The following CLEC9A variants were observed in gnomAD, a reference collection of about 807,000 sequenced individuals.
The protein encoded by CLEC9A is C-type lectin domain containing 9A, also known as C-type lectin domain family 9 member A.
In CLEC9A, 24 loss-of-function variants were observed where a neutral mutation model predicts 30.0. That is an observed-to-expected ratio of 0.80 (90% confidence interval 0.58 to 1.13). The LOEUF (loss-of-function observed/expected upper bound fraction) is 1.13, where lower values mean the gene tolerates loss of function less well. Among genes scored for constraint, CLEC9A ranks in the 50% most tolerant of loss-of-function variants. The pLI is 0.00. For missense variants in CLEC9A, 251 were observed against 280.9 expected (o/e 0.89, Z 0.76); for synonymous variants, 111 against 96.8 (o/e 1.15, Z -0.86).
Position 10,063,167 on chromosome 12 carries a change from A to G in CLEC9A, c.432A>G (p.Glu144=). Residue 144 remains glutamate, a synonymous_variant, in exon 7 of 9, where the codon GAA becomes GAG. Transcript: ENST00000355819. ...WHTSQENCLK[E]GSTLLQIESK... is the part of the protein sequence containing the mutation. ...CCAGTCAAGAGAATTGTTTAAAGGA[A>G]GGTTCCACGCTGCTACAAATAGAGA... 1 of 1,611,798 alleles carries G rather than the reference A, an allele frequency of 6.2e-7. No homozygotes were observed. The highest frequency in any genetic ancestry group is 8.5e-7 in the Non-Finnish European group (1 of 1,179,204).
At chr12:10,052,818 C>A in intron 4 of CLEC9A, 40 bp downstream of exon 4, 2 of 1,550,254 alleles carry the variant, frequency 1.3e-6, no homozygotes, top group Non-Finnish European at 8.8e-7. Flanking sequence ...CTTTAGAGTT[C>A]ATGTTTTTTT....
At chr12:10,041,321 TA>T (rs1865795811) in intron 1 of CLEC9A, 144 bp from the exon 2 acceptor site, 2 of 233,026 alleles carry the variant, frequency 8.6e-6, no homozygotes, top group South Asian at 6.7e-5. Context: ...ATTGTTTTTT[TA>T]ACGTCTTCAT....
intron 2 of CLEC9A, chr12:10,043,256 A>G (rs1865813222): frequency 8.9e-6 from 3 of 335,416 alleles, no homozygotes; most frequent in African/African-American, 2.2e-5. Context: ...ATTGGGTCAG[A>G]TTATCCCACC....
At chr12:10,063,260 A>G in intron 7 of CLEC9A, 54 bp downstream of exon 7, 1 of 1,426,852 alleles carries the variant, frequency 7.0e-7, no homozygotes, top group Non-Finnish European at 9.2e-7. Context: ...TTTACTTATT[A>G]AAAGAAATCC....
chr12:10,034,803 G>C (rs1201065177), intron 1 of CLEC9A, among the ~76,000 whole-genome samples: 2 of 152,202 alleles, frequency 1.3e-5, no homozygotes, highest in South Asian at 4.1e-4. Flanking sequence ...TGTATCTGAA[G>C]CCCCAGTGGG....
rs561968848 is a variant in CLEC9A at position 10,042,150 on chromosome 12, A to C, written c.-163+530A>C. 2.6e-5 allele frequency among the ~76,000 whole-genome samples: 4 copies of C among 152,352 alleles called. No homozygotes were observed. The East Asian group carries it at 7.7e-4, about 29-fold the overall frequency. On this transcript the variant is annotated intron_variant, in intron 2 of 8. Transcript: ENST00000355819. ...GATTTATAACTAAAAGTATTCATGC[A>C]ATTTTTTTGAGAAAATAGAAAGGTA...
chr12:10,064,590 T>A (rs1470522249), intron 7 of CLEC9A, 142 bp from the exon 8 acceptor site: 3 of 870,462 alleles, frequency 3.4e-6, no homozygotes, highest in South Asian at 2.2e-5. Context: ...GTATCGGCAC[T>A]TTTTTATAAT....
intron 7 of CLEC9A, 45 bp from the exon 8 acceptor site, chr12:10,064,687 G>A: frequency 6.4e-7 from 1 of 1,560,124 alleles, no homozygotes; most frequent in Non-Finnish European, 8.7e-7. Context: ...CTAGAGTTTT[G>A]TTTGTTTGTT....
In CLEC9A at chr12:10,030,780, A is replaced by C. The variant is rs951031654; in HGVS notation, c.-510A>C. On this transcript the variant is annotated 5_prime_UTR_variant, in exon 1 of 9. Transcript: ENST00000355819. ...TCAAATAACTCGCAAGCTCTTGTGA[A>C]GCACAACGGCCTACCTTGTCCTGAA... The C allele has an allele frequency of 6.6e-6, 1 of 152,242 alleles. No homozygotes were observed. The highest frequency in any genetic ancestry group is 2.4e-5 in the African/African-American group (1 of 41,460). The allele number at this position is 152,242 out of a possible 1,614,324, so 9.4% of individuals were successfully genotyped here.
intron 1 of CLEC9A, among the ~76,000 whole-genome samples, chr12:10,040,696 C>T (rs61918594): frequency 0.09 from 13,639 of 151,762 alleles, 715 homozygotes; most frequent in African/African-American, 0.12. Context: ...GTGATCCGCC[C>T]GCCTCAGCCT....
At chr12:10,045,332 G>A (rs1212458201) in intron 2 of CLEC9A, among the ~76,000 whole-genome samples, 2 of 152,114 alleles carry the variant, frequency 1.3e-5, no homozygotes, top group African/African-American at 2.4e-5. Context: ...GTACTACCAA[G>A]CAGGTTGGGA....
At chr12:10,032,389 C>CTTTTTTT (rs10647036) in intron 1 of CLEC9A, among the ~76,000 whole-genome samples, 16 of 117,248 alleles carry the variant, frequency 1.4e-4, no homozygotes, top group South Asian at 2.7e-4. Context: ...TTAGGGATTT[C>CTTTTTTT]TTTTTTTTTT....
At chr12:10,048,390 A>G (rs1865866747) in intron 2 of CLEC9A, among the ~76,000 whole-genome samples, 1 of 150,404 alleles carries the variant, frequency 6.6e-6, no homozygotes, top group Admixed American at 6.6e-5. Flanking sequence ...AAAAGACAAC[A>G]GTGAAGTTTG....
chr12:10,063,002 A>G lies in CLEC9A; in HGVS notation c.320-53A>G, dbSNP rs1260095270. ...GGCAAGGGGCTTTTTGGAGGGATAT[A>G]TGTTGTTAATATTTTACAATAAGAT... On this transcript the variant is annotated intron_variant, in intron 6 of 8. Coordinates refer to ENST00000355819, the MANE Select transcript of CLEC9A (RefSeq NM_207345.4). 14 of 1,498,104 alleles carry G rather than the reference A, an allele frequency of 9.3e-6. No homozygotes were observed. In the South Asian group the frequency reaches 1.6e-4, roughly 17 times the overall value. 92.8% of individuals were successfully genotyped at this position (1,498,104 alleles called of 1,614,324 possible).
At chr12:10,039,582 T>C (rs541222356) in intron 1 of CLEC9A, among the ~76,000 whole-genome samples, 50 of 152,330 alleles carry the variant, frequency 3.3e-4, no homozygotes, top group Middle Eastern at 6.8e-3. Flanking sequence ...TGTTCCCCTG[T>C]CTGAAATCTT....
At chr12:10,059,494 G>A (rs61918595) in intron 5 of CLEC9A, among the ~76,000 whole-genome samples, 25,225 of 152,186 alleles carry the variant, frequency 0.17, 2,573 homozygotes, top group East Asian at 0.44. Context: ...AAAATCTTCA[G>A]AATCTAAAGG....
chr12:10,040,890 T>C, intron 1 of CLEC9A: 1 of 208,046 alleles, frequency 4.8e-6, no homozygotes, highest in Non-Finnish European at 1.0e-5. Flanking sequence ...AATGAAAATC[T>C]CTCAGGAACT....
At chr12:10,054,404 C>A in intron 5 of CLEC9A, 53 bp downstream of exon 5, 1 of 1,151,350 alleles carries the variant, frequency 8.7e-7, no homozygotes, top group South Asian at 1.4e-5. Flanking sequence ...TATAAAACTT[C>A]ATAATTTATA....
chr12:10,057,766 G>C (rs1404624447), intron 5 of CLEC9A, among the ~76,000 whole-genome samples: 1 of 151,976 alleles, frequency 6.6e-6, no homozygotes, highest in African/African-American at 2.4e-5. Context: ...AGTTCTCAAA[G>C]TAAGTAGACT....
Sources: gnomAD v4.1 joint callset for allele counts (sites outside exome capture counted in the v4.1 genomes callset) on GRCh38, gnomAD v4.1.1 for gene constraint, MANE v1.5 for transcripts, NCBI Gene and HGNC (gene_info 2026-07-23, HGNC 2026-07-21) for gene names.